Variants in TSPEAR observed in about 807,000 individuals in gnomAD.
TSPEAR encodes the protein thrombospondin-type laminin G domain and EAR repeat-containing protein.
A neutral mutation model predicts 71.6 loss-of-function variants in TSPEAR; 69 were observed. That is an observed-to-expected ratio of 0.96 (90% confidence interval 0.79 to 1.18). The LOEUF is 1.18. Ranked by LOEUF, TSPEAR falls within the 50% of genes most tolerant of loss-of-function variation. TSPEAR has a pLI of 0.00. For synonymous variants in TSPEAR, 402 were observed against 387.2 expected (o/e 1.04, Z -0.45); for missense variants, 971 against 894.9 (o/e 1.09, Z -1.09).
intron 1 of TSPEAR, among the ~76,000 whole-genome samples, chr21:44,705,974 G>A (rs1341555641): frequency 1.3e-5 from 2 of 152,112 alleles, no homozygotes; most frequent in East Asian, 1.9e-4. Context: ...TGTCTCCCCC[G>A]GACGCCCAGC....
rs1313286912 is a variant in TSPEAR at position 44,542,747 on chromosome 21, AAAAAAAAAAAAG to A, written c.304-8836_304-8825del. On this transcript the variant is annotated intron_variant, in intron 2 of 11. Transcript: ENST00000323084. ...GGCAACAGAAAGAGACCTGTTAAAA[AAAAAAAAAAAAG>A]AAAAAGAAAAGAAAAAAGAAAAAGA... Among the ~76,000 whole-genome samples the A allele has an allele frequency of 8.9e-4, 135 of 150,854 alleles. 1 individual carries two copies. The highest frequency in any genetic ancestry group is 3.1e-3 in the African/African-American group (127 of 41,284).
Position 44,711,477 on chromosome 21 carries a change from A to T in TSPEAR, c.38T>A (p.Leu13Gln), listed in dbSNP as rs570117352. The part of the protein sequence containing the change: ...ALLSLCFVLP[L>Q]AAPGHGTQGW... ...CTGCGTGCCGTGGCCGGGGGCCGCCAGGGGCAGCACAAAACACAGACTCAG... is the reference window on the plus strand; with the variant it reads ...CTGCGTGCCGTGGCCGGGGGCCGCCTGGGGCAGCACAAAACACAGACTCAG... Residue 13 changes from leucine to glutamine, a missense_variant, in exon 1 of 12, where the codon CTG becomes CAG. Leu to Gln is a moderately radical substitution (Grantham distance 113). Transcript: ENST00000323084. The surrounding 1 kb of genome is among the most constrained non-coding windows in gnomAD (Gnocchi z 4.5). 1.7e-5 allele frequency: 27 copies of T among 1,611,242 alleles called. No homozygotes were observed. In the Admixed American group the frequency reaches 2.3e-4, roughly 14 times the overall value.
intron 1 of TSPEAR, chr21:44,676,378 G>T: frequency 8.9e-7 from 1 of 1,122,738 alleles, no homozygotes; most frequent in Non-Finnish European, 1.4e-6. Flanking sequence ...TGGGACAGCA[G>T]GCATTTCTGC....
intron 1 of TSPEAR, among the ~76,000 whole-genome samples, chr21:44,618,733 T>C (rs1406632373): frequency 6.6e-6 from 1 of 152,166 alleles, no homozygotes; most frequent in African/African-American, 2.4e-5. Context: ...CCTGAAGGAC[T>C]AACACACAGG....
chr21:44,504,570 G>A, intron 11 of TSPEAR, among the ~76,000 whole-genome samples: 1 of 116,970 alleles, frequency 8.5e-6, no homozygotes, highest in African/African-American at 3.8e-5. Context: ...CTTGGAGGAG[G>A]CCGGCCTCGG....
chr21:44,602,658 C>T (rs1043904849), intron 1 of TSPEAR, among the ~76,000 whole-genome samples: 4 of 152,344 alleles, frequency 2.6e-5, no homozygotes, highest in South Asian at 2.1e-4. Flanking sequence ...GGAATTCTGG[C>T]GTAGCCCAGG....
At chr21:44,609,638 G>T (rs1193463307) in intron 1 of TSPEAR, among the ~76,000 whole-genome samples, 3 of 152,210 alleles carry the variant, frequency 2.0e-5, no homozygotes, top group African/African-American at 7.2e-5. Context: ...TGTTATATTT[G>T]AACCTCTTGA....
At chr21:44,584,481 A>G (rs927964432) in intron 1 of TSPEAR, among the ~76,000 whole-genome samples, 3 of 152,160 alleles carry the variant, frequency 2.0e-5, no homozygotes, top group African/African-American at 7.2e-5. Context: ...TCTATTTTTA[A>G]TTTGCTGAGG....
intron 1 of TSPEAR, chr21:44,574,840 T>C: frequency 6.2e-7 from 1 of 1,613,866 alleles, no homozygotes; most frequent in Non-Finnish European, 8.5e-7. Flanking sequence ...TCCTCCTCCG[T>C]GTCCCTCCTC....
At chr21:44,643,644 A>G (rs1984141501) in intron 1 of TSPEAR, among the ~76,000 whole-genome samples, 2 of 152,214 alleles carry the variant, frequency 1.3e-5, no homozygotes, top group Non-Finnish European at 2.9e-5. Flanking sequence ...ATCATTAACT[A>G]TACTCATAAA....
intron 1 of TSPEAR, among the ~76,000 whole-genome samples, chr21:44,604,330 T>A (rs1424514799): frequency 6.6e-6 from 1 of 152,144 alleles, no homozygotes; most frequent in African/African-American, 2.4e-5. Flanking sequence ...TCAGAATTTA[T>A]AAAGAAAACA....
At chr21:44,579,794 C>G (rs367602967) in intron 1 of TSPEAR, 1 of 1,608,804 alleles carries the variant, frequency 6.2e-7, no homozygotes, top group Non-Finnish European at 8.5e-7. Flanking sequence ...CGCGGGGCGG[C>G]AGAGGAGGGA....
intron 1 of TSPEAR, chr21:44,647,483 G>T: frequency 8.9e-7 from 1 of 1,118,052 alleles, no homozygotes; most frequent in Non-Finnish European, 1.3e-6. Flanking sequence ...GCCTGAAGGG[G>T]ATTTTGAGCG....
At chr21:44,661,146 C>T (rs7282323) in intron 1 of TSPEAR, among the ~76,000 whole-genome samples, 107,513 of 151,468 alleles carry the variant, frequency 0.71, 38,523 homozygotes, top group African/African-American at 0.8. Context: ...TGGTGGCGGG[C>T]GCCTGTAGTC....
intron 2 of TSPEAR, among the ~76,000 whole-genome samples, chr21:44,556,956 A>T (rs1555919923): frequency 1.2e-4 from 19 of 152,224 alleles, no homozygotes. Context: ...AACCAACTTC[A>T]TGAAAACACT....
intron 1 of TSPEAR, chr21:44,574,952 G>A (rs1569195930): frequency 1.2e-6 from 2 of 1,606,704 alleles, no homozygotes; most frequent in Non-Finnish European, 1.7e-6. Context: ...CCTCCTGCGT[G>A]TCCCTCCTCT....
In TSPEAR at chr21:44,529,823, A is replaced by G. The variant is rs2052930882; in HGVS notation, c.765T>C (p.Asp255=). The stretch of plus-strand genomic sequence containing the variant: ...CATAGGGATATTTTAGCACCTCGTT[A>G]TCTTCTGGCTTCCCCGTGAGAGCCT... ...VLQALTGKPE[D]NEVLKYPYET... The change falls in exon 5 of 12, where the codon GAT becomes GAC. Residue 255 remains aspartate, a synonymous_variant. Transcript: ENST00000323084. The G allele has an allele frequency of 3.1e-6, 5 of 1,613,764 alleles. No individual in the cohort carries two copies. The highest frequency in any genetic ancestry group is 1.3e-5 in the African/African-American group (1 of 74,908).
At position 44,565,706 on chromosome 21, in the gene TSPEAR, A is replaced by G. The variant is rs959624735; in HGVS notation, c.303+2079T>C. Among the ~76,000 whole-genome samples, 5 of 152,218 alleles carry G rather than the reference A, an allele frequency of 3.3e-5. No homozygotes were observed. The South Asian group carries it at 6.2e-4, about 19-fold the overall frequency. On this transcript the variant is annotated intron_variant, in intron 2 of 11. Coordinates refer to ENST00000323084, the MANE Select transcript of TSPEAR (RefSeq NM_144991.3). ...AACACTCAATAAGATAGAGCAGGAA[A>G]CTTGCTCAATTTGTTAAGGGCATCT... is the stretch of plus-strand genomic sequence containing the variant.
intron 1 of TSPEAR, among the ~76,000 whole-genome samples, chr21:44,700,602 T>C (rs1250061407): frequency 1.3e-5 from 2 of 152,206 alleles, no homozygotes; most frequent in African/African-American, 2.4e-5. Context: ...TGAATCTGCC[T>C]TGGGGCCGGG....
Sources: gnomAD v4.1 joint callset for allele counts (sites outside exome capture counted in the v4.1 genomes callset) on GRCh38, gnomAD v4.1.1 for gene constraint, Gnocchi (gnomAD v3.1) non-coding constraint, MANE v1.5 for transcripts, NCBI Gene and HGNC (gene_info 2026-07-23, HGNC 2026-07-21) for gene names.